The following NLGN1 variants were observed in gnomAD, a reference collection of about 807,000 sequenced individuals.
NLGN1 encodes neuroligin 1, also known as neuroligin-1.
Under a neutral mutation model 65.5 loss-of-function variants are expected in NLGN1, and 12 were observed. The ratio of observed to expected loss-of-function variants is 0.18; its 90% CI spans 0.12 to 0.30. The LOEUF (loss-of-function observed/expected upper bound fraction) is 0.30. NLGN1 is among the 10% of genes least tolerant of loss of function. The probability of loss-of-function intolerance (pLI) is 1.00; values close to 1 mark genes in which losing one functional copy is unlikely to be tolerated. For synonymous variants in NLGN1, 350 were observed against 359.5 expected (o/e 0.97, Z 0.30); for missense variants, 750 against 1,007.1 (o/e 0.74, Z 3.46).
chr3:174,028,125 C>T (rs1373372646), intron 4 of NLGN1, among the ~76,000 whole-genome samples: 4 of 152,094 alleles, frequency 2.6e-5, no homozygotes, highest in Non-Finnish European at 5.9e-5. Context: ...TCAATTAAAC[C>T]TCTTTTCCTT....
intron 4 of NLGN1, among the ~76,000 whole-genome samples, chr3:173,963,486 A>C (rs1337699505): frequency 2.0e-5 from 3 of 152,288 alleles, no homozygotes; most frequent in South Asian, 2.1e-4. Context: ...TCTGGAATTC[A>C]GGAGGGAGGT....
intron 2 of NLGN1, among the ~76,000 whole-genome samples, chr3:173,480,636 A>G (rs1727123979): frequency 6.6e-6 from 1 of 152,154 alleles, no homozygotes; most frequent in Admixed American, 6.6e-5. Context: ...TTGGTAGTAA[A>G]TGTAGTAAAT....
At chr3:173,472,135 G>A (rs1455759823) in intron 2 of NLGN1, among the ~76,000 whole-genome samples, 1 of 152,026 alleles carries the variant, frequency 6.6e-6, no homozygotes, top group Admixed American at 6.6e-5. Context: ...TAATGCACAC[G>A]CTATTCTCAG....
intron 4 of NLGN1, among the ~76,000 whole-genome samples, chr3:174,252,940 A>G (rs777258599): frequency 1.3e-5 from 2 of 152,262 alleles, no homozygotes; most frequent in Non-Finnish European, 2.9e-5. Context: ...CTGGCAAAGA[A>G]TAGATGGCCA....
intron 2 of NLGN1, among the ~76,000 whole-genome samples, chr3:173,451,213 G>A (rs952986509): frequency 4.6e-5 from 7 of 152,140 alleles, no homozygotes; most frequent in Admixed American, 4.6e-4. Flanking sequence ...GGTCTTTGAT[G>A]ATCGTGACGT....
intron 2 of NLGN1, among the ~76,000 whole-genome samples, chr3:173,460,154 A>G (rs1723133682): frequency 6.6e-6 from 1 of 152,132 alleles, no homozygotes; most frequent in African/African-American, 2.4e-5. Flanking sequence ...TGTAATATGT[A>G]GTTTTATAAA....
intron 3 of NLGN1, among the ~76,000 whole-genome samples, chr3:173,618,164 C>A (rs73880523): frequency 1.3e-5 from 2 of 151,948 alleles, no homozygotes; most frequent in African/African-American, 4.8e-5. Context: ...TAAACATATA[C>A]GTGAATTCAG....
chr3:173,783,756 A>G (rs1328332983), intron 3 of NLGN1, among the ~76,000 whole-genome samples: 1 of 152,148 alleles, frequency 6.6e-6, no homozygotes, highest in African/African-American at 2.4e-5. Context: ...TTGAGATTAC[A>G]GGCATCCATG....
rs1056295501 is a variant in NLGN1 at position 173,499,817 on chromosome 3, A to G, written c.-321+64739A>G. Among the ~76,000 whole-genome samples the G allele has an allele frequency of 2.7e-4, 41 of 152,004 alleles. 1 individual carries two copies. The highest frequency in any genetic ancestry group is 9.2e-4 in the African/African-American group (38 of 41,304). On this transcript the variant is annotated intron_variant, in intron 2 of 6. Coordinates refer to ENST00000457714, the Ensembl canonical transcript of NLGN1. ...TAGGTATTTTATTCTCTTTGAAGCA[A>G]TTGTGAATGGGAGTTCACTCATGAT...
At chr3:173,541,758 T>A (rs1738909440) in intron 2 of NLGN1, among the ~76,000 whole-genome samples, 1 of 152,136 alleles carries the variant, frequency 6.6e-6, no homozygotes, top group African/African-American at 2.4e-5. Flanking sequence ...TCTTATTTGT[T>A]TTTATACATC....
chr3:173,578,230 C>A (rs920293628), intron 2 of NLGN1, among the ~76,000 whole-genome samples: 3 of 113,600 alleles, frequency 2.6e-5, no homozygotes, highest in Non-Finnish European at 3.7e-5. Flanking sequence ...GGCCAGACTC[C>A]GTCTCAAAAA....
At chr3:173,910,923 T>TTGGGAAC (rs1739460480) in intron 4 of NLGN1, 1 of 152,204 alleles carries the variant, frequency 6.6e-6, no homozygotes, top group African/African-American at 2.4e-5. Flanking sequence ...TTGAAATGCT[T>TTGGGAAC]TGGGAACTGA....
chr3:173,844,261 A>G (rs774830125), intron 4 of NLGN1, among the ~76,000 whole-genome samples: 2 of 152,198 alleles, frequency 1.3e-5, no homozygotes, highest in African/African-American at 2.4e-5. Context: ...CAGCCAAACT[A>G]TATCACAGCC....
At chr3:174,132,121 G>C (rs1720327546) in intron 4 of NLGN1, among the ~76,000 whole-genome samples, 1 of 152,180 alleles carries the variant, frequency 6.6e-6, no homozygotes, top group Non-Finnish European at 1.5e-5. Context: ...GAGAATATTT[G>C]TGTCTGCTTA....
intron 4 of NLGN1, among the ~76,000 whole-genome samples, chr3:174,021,347 A>T (rs914533479): frequency 4.6e-5 from 7 of 152,072 alleles, no homozygotes; most frequent in Non-Finnish European, 8.8e-5. Flanking sequence ...AGCAAACTAT[A>T]TTCTATTTAA....
At chr3:173,945,369 G>A (rs2152317204) in intron 4 of NLGN1, among the ~76,000 whole-genome samples, 1 of 152,084 alleles carries the variant, frequency 6.6e-6, no homozygotes, top group East Asian at 1.9e-4. Flanking sequence ...CATAATGCTA[G>A]TGCCTCTGGA....
intron 4 of NLGN1, among the ~76,000 whole-genome samples, chr3:174,074,473 A>C (rs975402973): frequency 2.6e-4 from 39 of 152,200 alleles, no homozygotes; most frequent in African/African-American, 9.2e-4. Flanking sequence ...CATGATGACA[A>C]GGGTGAGTTT....
At chr3:173,468,456 C>G (rs187604157) in intron 2 of NLGN1, among the ~76,000 whole-genome samples, 111 of 152,200 alleles carry the variant, frequency 7.3e-4, no homozygotes, top group Non-Finnish European at 1.6e-4. Flanking sequence ...TATATCACCA[C>G]TGCCTTACTC....
chr3:173,578,161 G>A (rs1017567440), intron 2 of NLGN1, among the ~76,000 whole-genome samples: 7 of 151,858 alleles, frequency 4.6e-5, no homozygotes, highest in Middle Eastern at 3.4e-3. Flanking sequence ...GCATGAACCC[G>A]GGAGGCGGAG....
Sources: allele counts gnomAD v4.1 joint callset (sites outside exome capture counted in the v4.1 genomes callset), GRCh38; gene constraint gnomAD v4.1.1; transcripts MANE v1.5; gene names NCBI Gene and HGNC (gene_info 2026-07-23, HGNC 2026-07-21).